The following ACVR2B variants were observed in gnomAD, a reference collection of about 807,000 sequenced individuals.
ACVR2B encodes activin A receptor type 2B.
In ACVR2B, 18 loss-of-function variants were observed where a neutral mutation model predicts 65.1. The ratio of observed to expected loss-of-function variants is 0.28; its 90% CI spans 0.19 to 0.41. The LOEUF is 0.41. ACVR2B is among the 10% of genes least tolerant of loss of function. The pLI is 1.00. For synonymous variants in ACVR2B, 298 were observed against 277.7 expected (o/e 1.07, Z -0.73); for missense variants, 482 against 682.7 (o/e 0.71, Z 3.28).
chr3:38,484,597 G>A lies in ACVR2B; in HGVS notation c.*1265G>A, dbSNP rs1419881999. On this transcript the variant is annotated 3_prime_UTR_variant, in exon 11 of 11. Transcript: ENST00000352511. ...TTATGCCATAACCTTGCTCTAGTCAGTGAATGTTCCTAATGCTGCTGTTTC... is the reference window on the plus strand; with the variant it reads ...TTATGCCATAACCTTGCTCTAGTCAATGAATGTTCCTAATGCTGCTGTTTC... 1.3e-5 allele frequency: 2 copies of A among 152,634 alleles called. No individual in the cohort carries two copies. Among genetic ancestry groups the A allele is most frequent in the Non-Finnish European group, 2.9e-5 (2 of 68,046 alleles). 9.5% of individuals were successfully genotyped at this position (152,634 alleles called of 1,614,324 possible).
rs1387734191 is a variant in ACVR2B, at chr3:38,489,474, C to A, written c.*6142C>A. On this transcript the variant is annotated 3_prime_UTR_variant, in exon 11 of 11. Transcript: ENST00000352511. ...TGGATTCTTGTGATACACTGGCAGA[C>A]TGGAGTCAATTTGCGGGTCTTTTTT... 1 of 152,582 alleles carries A rather than the reference C, an allele frequency of 6.6e-6. No individual in the cohort carries two copies. The highest frequency in any genetic ancestry group is 2.4e-5 in the African/African-American group (1 of 41,418). 9.5% of individuals were successfully genotyped at this position (152,582 alleles called of 1,614,324 possible). A position where few individuals can be genotyped will look rare whatever the true frequency, so the allele number is the denominator to read the frequency against.
chr3:38,457,094 C>T (rs994132556), intron 1 of ACVR2B, among the ~76,000 whole-genome samples: 3 of 152,074 alleles, frequency 2.0e-5, no homozygotes, highest in African/African-American at 4.8e-5. Flanking sequence ...GTCCCAGCTG[C>T]GCCAGAGGCT....
At chr3:38,463,422 G>A (rs1709681209) in intron 1 of ACVR2B, among the ~76,000 whole-genome samples, 1 of 152,204 alleles carries the variant, frequency 6.6e-6, no homozygotes, top group African/African-American at 2.4e-5. Context: ...TTAGAGTCTG[G>A]TGAGAAGCTT....
In ACVR2B at chr3:38,485,039, T is replaced by C. The variant is rs1371638223; in HGVS notation, c.*1707T>C. ...TCTGGGCATTTATCAGTCTTGTTTG[T>C]GAAGGCTTTTCCTTCTGGTTTCTTT... On this transcript the variant is annotated 3_prime_UTR_variant, in exon 11 of 11. Transcript: ENST00000352511. 1 of 152,392 alleles carries C rather than the reference T, an allele frequency of 6.6e-6. No homozygotes were observed. The highest frequency in any genetic ancestry group is 1.5e-5 in the Non-Finnish European group (1 of 68,050). The allele number at this position is 152,392 out of a possible 1,614,324, so 9.4% of individuals were successfully genotyped here. A position where few individuals can be genotyped will look rare whatever the true frequency, so the allele number is the denominator to read the frequency against.
Position 38,484,751 on chromosome 3 carries a change from T to G in ACVR2B, c.*1419T>G, listed in dbSNP as rs184936490. On this transcript the variant is annotated 3_prime_UTR_variant, in exon 11 of 11. Transcript: ENST00000352511. ...TTTAAATTTTGAAAAGTAAAAGAAT[T>G]AAAACTTCACGACCACAGATCACCT... 2.0e-5 allele frequency: 3 copies of G among 152,792 alleles called. No homozygotes were observed. The East Asian group carries it at 5.8e-4, about 29-fold the overall frequency. 9.5% of individuals were successfully genotyped at this position (152,792 alleles called of 1,614,324 possible).
At chr3:38,461,678 C>G (rs1709649899) in intron 1 of ACVR2B, among the ~76,000 whole-genome samples, 1 of 151,972 alleles carries the variant, frequency 6.6e-6, no homozygotes, top group South Asian at 2.1e-4. Flanking sequence ...GTCACTTCCC[C>G]CATAACTAAT....
chr3:38,479,566 T>C lies in ACVR2B; in HGVS notation c.811-112T>C, dbSNP rs571557916. On this transcript the variant is annotated intron_variant, in intron 6 of 10. Transcript: ENST00000352511. ...ATCTTCCATATCGATTGTAGTAGCC[T>C]TCCAGGAGAGCAGCCTAGCCATTGG... 152 of 1,346,240 alleles carry C rather than the reference T, an allele frequency of 1.1e-4. No homozygotes were observed. In the African/African-American group the frequency reaches 2.0e-3, roughly 18 times the overall value. The allele number at this position is 1,346,240 out of a possible 1,614,324, so 83.4% of individuals were successfully genotyped here.
chr3:38,478,935 C>T (rs1291071628), intron 5 of ACVR2B, among the ~76,000 whole-genome samples, 193 bp from the exon 6 acceptor site: 2 of 151,180 alleles, frequency 1.3e-5, no homozygotes, highest in Non-Finnish European at 2.9e-5. Flanking sequence ...GCCTCATGCT[C>T]TGGGGCCTAG....
rs2059823682 is a variant in ACVR2B at position 38,492,801 on chromosome 3, C to CATACAT, written c.*9470_*9471insTACATA. 1.4e-5 allele frequency: 1 copy of CATACAT among 70,612 alleles called. No homozygotes were observed. Among genetic ancestry groups the CATACAT allele is most frequent in the African/African-American group, 5.1e-5 (1 of 19,506 alleles). 4.4% of individuals were successfully genotyped at this position (70,612 alleles called of 1,614,324 possible). On this transcript the variant is annotated 3_prime_UTR_variant, in exon 11 of 11. Coordinates refer to ENST00000352511, the MANE Select transcript of ACVR2B (RefSeq NM_001106.4). The stretch of plus-strand genomic sequence containing the variant: ...ACACACACACACACACACACACACA[C>CATACAT]ACATACACCTAAAATGGCCTAAAGC...
At chr3:38,463,364 C>T (rs969048139) in intron 1 of ACVR2B, among the ~76,000 whole-genome samples, 1 of 152,136 alleles carries the variant, frequency 6.6e-6, no homozygotes, top group Non-Finnish European at 1.5e-5. Context: ...TTTCATATGT[C>T]GTGATAATGA....
chr3:38,465,592 A>G (rs1709714896), intron 1 of ACVR2B, among the ~76,000 whole-genome samples: 1 of 152,164 alleles, frequency 6.6e-6, no homozygotes, highest in Non-Finnish European at 1.5e-5. Context: ...GCATTAGTGA[A>G]TTGGATGATA....
chr3:38,480,835 C>T (rs183134008), intron 7 of ACVR2B, among the ~76,000 whole-genome samples: 1 of 152,214 alleles, frequency 6.6e-6, no homozygotes, highest in Non-Finnish European at 1.5e-5. Flanking sequence ...CTGAGTACCA[C>T]AAGTAGCTTT....
chr3:38,471,800 GT>G (rs1709822785), intron 1 of ACVR2B, among the ~76,000 whole-genome samples: 1 of 152,176 alleles, frequency 6.6e-6, no homozygotes, highest in Non-Finnish European at 1.5e-5. Context: ...ACCTGCACAG[GT>G]TTATCGTGAG....
chr3:38,459,992 C>G (rs1296801466), intron 1 of ACVR2B, among the ~76,000 whole-genome samples: 1 of 152,298 alleles, frequency 6.6e-6, no homozygotes, highest in African/African-American at 2.4e-5. Flanking sequence ...CAGTGAGACA[C>G]AGTTTGCTGC....
chr3:38,467,449 A>G (rs1293777475), intron 1 of ACVR2B, among the ~76,000 whole-genome samples: 1 of 152,068 alleles, frequency 6.6e-6, no homozygotes, highest in African/African-American at 2.4e-5. Flanking sequence ...GTCTCAAAAA[A>G]AAAAAAAAGG....
chr3:38,467,666 T>G (rs1709755116), intron 1 of ACVR2B, among the ~76,000 whole-genome samples: 5 of 151,418 alleles, frequency 3.3e-5, no homozygotes, highest in Admixed American at 3.3e-4. Flanking sequence ...GTGGGAGGAT[T>G]GTTTGAGCTC....
chr3:38,465,174 G>A (rs1490575853), intron 1 of ACVR2B, among the ~76,000 whole-genome samples: 2 of 151,880 alleles, frequency 1.3e-5, no homozygotes, highest in African/African-American at 2.4e-5. Context: ...CGAGGTGGGT[G>A]GATCACGAGG....
chr3:38,487,327 C>G lies in ACVR2B; in HGVS notation c.*3995C>G, dbSNP rs1465817301. 2 of 152,216 alleles carry G rather than the reference C, an allele frequency of 1.3e-5. No individual in the cohort carries two copies. The highest frequency in any genetic ancestry group is 1.9e-4 in the East Asian group (1 of 5,198). The allele number at this position is 152,216 out of a possible 1,614,324, so 9.4% of individuals were successfully genotyped here. A position where few individuals can be genotyped will look rare whatever the true frequency, so the allele number is the denominator to read the frequency against. ...ACATATTCTTAGCAAAGGGAAGGGT[C>G]TCTCATCTCCAGGCCACAGAGATAG... On this transcript the variant is annotated 3_prime_UTR_variant, in exon 11 of 11. Transcript: ENST00000352511.
chr3:38,454,108 T>C lies in ACVR2B; in HGVS notation c.-215T>C. Reference sequence around the variant, plus strand: ...TCGCCCCGGAGCCCGGGCCGCAGCCTGCGCCGCCCGCAGCGGCCCTGAGCC... The same window carrying C: ...TCGCCCCGGAGCCCGGGCCGCAGCCCGCGCCGCCCGCAGCGGCCCTGAGCC... On this transcript the variant is annotated 5_prime_UTR_variant, in exon 1 of 11. Coordinates refer to ENST00000352511, the MANE Select transcript of ACVR2B (RefSeq NM_001106.4). 5.6e-6 allele frequency: 1 copy of C among 178,914 alleles called. No homozygotes were observed. The highest frequency in any genetic ancestry group is 1.7e-4 in the South Asian group (1 of 5,972). The allele number at this position is 178,914 out of a possible 1,614,324, so 11.1% of individuals were successfully genotyped here. A position where few individuals can be genotyped will look rare whatever the true frequency, so the allele number is the denominator to read the frequency against.
Sources: allele counts gnomAD v4.1 joint callset (sites outside exome capture counted in the v4.1 genomes callset), GRCh38; gene constraint gnomAD v4.1.1; transcripts MANE v1.5; gene names NCBI Gene and HGNC (gene_info 2026-07-23, HGNC 2026-07-21).